Variants in BZW2 observed in about 807,000 individuals in gnomAD.
BZW2 encodes the protein eIF5-mimic protein 1.
Under a neutral mutation model 53.2 loss-of-function variants are expected in BZW2, and 23 were observed. The observed-to-expected ratio is 0.43, with a 90% confidence interval of 0.31 to 0.61. BZW2 has a LOEUF of 0.61. BZW2 is among the 20% of genes least tolerant of loss of function. BZW2 has a pLI of 0.09. For synonymous variants in BZW2, 227 were observed against 186.4 expected (o/e 1.22, Z -1.77); for missense variants, 409 against 503.1 (o/e 0.81, Z 1.79).
intron 3 of BZW2, among the ~76,000 whole-genome samples, chr7:16,676,090 A>G (rs907863608): frequency 1.3e-5 from 2 of 152,190 alleles, no homozygotes; most frequent in Non-Finnish European, 2.9e-5. Context: ...CGAAAAGAAA[A>G]AAGAAATCTC....
At chr7:16,688,428 A>C (rs1268659417) in intron 6 of BZW2, 2 of 152,234 alleles carry the variant, frequency 1.3e-5, no homozygotes, top group Admixed American at 6.5e-5. Flanking sequence ...TGGCTGACAC[A>C]GGCTGCATGA....
At chr7:16,651,012 G>GT (rs1323190559) in intron 1 of BZW2, among the ~76,000 whole-genome samples, 1 of 152,082 alleles carries the variant, frequency 6.6e-6, no homozygotes, top group African/African-American at 2.4e-5. Flanking sequence ...TTCCATTGAT[G>GT]TTTTTTAAGT....
At chr7:16,660,645 G>A (rs1266715748) in intron 1 of BZW2, among the ~76,000 whole-genome samples, 2 of 152,020 alleles carry the variant, frequency 1.3e-5, no homozygotes, top group Non-Finnish European at 2.9e-5. Flanking sequence ...GAATTGCACA[G>A]CCTAACATAA....
intron 5 of BZW2, among the ~76,000 whole-genome samples, chr7:16,683,563 A>AT (rs1459320496): frequency 6.6e-6 from 1 of 152,256 alleles, no homozygotes; most frequent in Non-Finnish European, 1.5e-5. Context: ...AGCAAAGGGA[A>AT]TAAAAGCACC....
chr7:16,682,945 C>A, intron 5 of BZW2, 100 bp downstream of exon 5: 1 of 689,528 alleles, frequency 1.5e-6, no homozygotes, highest in South Asian at 2.6e-5. Context: ...CGCCTGTAAT[C>A]CCAGCACTTT....
intron 1 of BZW2, among the ~76,000 whole-genome samples, chr7:16,648,945 T>C (rs1033878846): frequency 1.3e-5 from 2 of 152,200 alleles, no homozygotes; most frequent in African/African-American, 2.4e-5. Context: ...TGCTAGTAAA[T>C]ACATTTATTC....
rs1334486762 is a variant in BZW2, at chr7:16,673,138, G to GCCAGGAT, written c.59-1274_59-1273insCCAGGAT. Reference sequence around the variant, plus strand: ...ATTTTTTGTATTTTTAGTAGAGACGGGGTTTCACCACGTTAGCCAGGATGG... The same window carrying GCCAGGAT: ...ATTTTTTGTATTTTTAGTAGAGACGGCCAGGATGGTTTCACCACGTTAGCCAGGATGG... On this transcript the variant is annotated intron_variant, in intron 2 of 11. Coordinates refer to ENST00000258761, the MANE Select transcript of BZW2 (RefSeq NM_014038.3). Among the ~76,000 whole-genome samples, 20 of 152,094 alleles carry GCCAGGAT rather than the reference G, an allele frequency of 1.3e-4. No individual in the cohort carries two copies. In the South Asian group the frequency reaches 3.9e-3, roughly 30 times the overall value.
intron 6 of BZW2, 63 bp downstream of exon 6, chr7:16,686,103 T>A (rs975730775): frequency 6.3e-7 from 1 of 1,587,990 alleles, no homozygotes; most frequent in Non-Finnish European, 8.6e-7. Context: ...CACAGATAGT[T>A]AGAAAAATGC....
At chr7:16,702,291 C>G (rs371069941) in intron 10 of BZW2, among the ~76,000 whole-genome samples, 5 of 152,116 alleles carry the variant, frequency 3.3e-5, no homozygotes, top group African/African-American at 9.7e-5. Context: ...GATGTTCATA[C>G]TTTGCCTCAT....
chr7:16,686,129 G>T, intron 6 of BZW2, 89 bp downstream of exon 6: 2 of 1,532,638 alleles, frequency 1.3e-6, no homozygotes. Flanking sequence ...GCTCTTTTTG[G>T]TGTCCTCTAT....
chr7:16,695,897 A>G (rs1783467336), intron 8 of BZW2: 1 of 152,176 alleles, frequency 6.6e-6, no homozygotes, highest in Non-Finnish European at 1.5e-5. Flanking sequence ...ATTTAATCAT[A>G]TTTCTCCAAG....
At chr7:16,699,186 TAGTC>T (rs1783592192) in intron 10 of BZW2, among the ~76,000 whole-genome samples, 1 of 152,194 alleles carries the variant, frequency 6.6e-6, no homozygotes, top group Admixed American at 6.5e-5. Flanking sequence ...ACAATTATAA[TAGTC>T]AGGAGGAAAA....
At position 16,674,477 on chromosome 7, in the gene BZW2, G is replaced by A; in HGVS notation, c.124G>A (p.Gly42Ser). 1 of 1,613,516 alleles carries A rather than the reference G, an allele frequency of 6.2e-7. No individual in the cohort carries two copies. The highest frequency in any genetic ancestry group is 8.5e-7 in the Non-Finnish European group (1 of 1,179,626). Reference sequence around the variant, plus strand: ...ACTTGTCCAGGGGCTTAATGAGGCTGGTGATGACCTTGAAGCTGTAGCCAA... The same window carrying A: ...ACTTGTCCAGGGGCTTAATGAGGCTAGTGATGACCTTGAAGCTGTAGCCAA... ...DTLVQGLNEA[G>S]DDLEAVAKFL... is the part of the protein sequence containing the mutation. The change falls in exon 3 of 12, where the codon GGT (glycine) becomes AGT (serine). Residue 42 changes from glycine to serine, a missense_variant. This residue lies in a region of BZW2 where 316 missense variants were observed against 366.8 expected (regional missense o/e 0.86). Transcript: ENST00000258761.
intron 7 of BZW2, among the ~76,000 whole-genome samples, chr7:16,693,476 C>G (rs1783382820): frequency 6.6e-6 from 1 of 152,156 alleles, no homozygotes; most frequent in Non-Finnish European, 1.5e-5. Flanking sequence ...ATATTGAATG[C>G]TAGCACAGAG....
chr7:16,650,426 T>C (rs1445472382), intron 1 of BZW2, among the ~76,000 whole-genome samples: 1 of 152,146 alleles, frequency 6.6e-6, no homozygotes, highest in Non-Finnish European at 1.5e-5. Context: ...CAAAACTGTT[T>C]CGAGCAATGT....
At chr7:16,657,349 A>G (rs961583586) in intron 1 of BZW2, among the ~76,000 whole-genome samples, 1 of 152,230 alleles carries the variant, frequency 6.6e-6, no homozygotes, top group Non-Finnish European at 1.5e-5. Context: ...ATTTTGCTGT[A>G]TCTACATAGC....
intron 6 of BZW2, chr7:16,687,402 C>T (rs1301522576): frequency 6.6e-6 from 1 of 151,980 alleles, no homozygotes; most frequent in African/African-American, 2.4e-5. Flanking sequence ...AGGTTTAAAC[C>T]CTTGCTTCCT....
chr7:16,656,042 T>C (rs188143708), intron 1 of BZW2, among the ~76,000 whole-genome samples: 2 of 152,146 alleles, frequency 1.3e-5, no homozygotes, highest in East Asian at 3.9e-4. Context: ...ATTTTATCTT[T>C]ATACTCCAAC....
chr7:16,673,149 C>T (rs566586556), intron 2 of BZW2, among the ~76,000 whole-genome samples: 13 of 152,070 alleles, frequency 8.5e-5, no homozygotes, highest in Non-Finnish European at 7.4e-5. Flanking sequence ...GGTTTCACCA[C>T]GTTAGCCAGG....
Sources: allele counts gnomAD v4.1 joint callset (sites outside exome capture counted in the v4.1 genomes callset), GRCh38; gene constraint gnomAD v4.1.1; regional missense constraint gnomAD v4.1.1; transcripts MANE v1.5; gene names NCBI Gene and HGNC (gene_info 2026-07-23, HGNC 2026-07-21).